Variants in PHKB observed in about 807,000 individuals in gnomAD.
PHKB encodes the protein phosphorylase kinase regulatory subunit beta.
A neutral mutation model predicts 152.1 loss-of-function variants in PHKB; 122 were observed. That is an observed-to-expected ratio of 0.80 (90% CI 0.69 to 0.93). The LOEUF is 0.93. PHKB is among the 40% of genes least tolerant of loss of function. The pLI is 0.00. For synonymous variants in PHKB, 436 were observed against 464.9 expected (o/e 0.94, Z 0.80); for missense variants, 1,304 against 1,328.4 (o/e 0.98, Z 0.29).
At chr16:47,554,224 G>A (rs1971325456) in intron 7 of PHKB, among the ~76,000 whole-genome samples, 1 of 152,170 alleles carries the variant, frequency 6.6e-6, no homozygotes, top group Non-Finnish European at 1.5e-5. Flanking sequence ...CCAGAGAGGA[G>A]GAATCTAGAG....
intron 4 of PHKB, 88 bp downstream of exon 4, chr16:47,503,178 ATGT>A: frequency 1.0e-6 from 1 of 961,228 alleles, no homozygotes; most frequent in Non-Finnish European, 1.6e-6. Context: ...CTGAAGAAGA[ATGT>A]ACTTTTCAAA....
chr16:47,604,665 T>G (rs946996586), intron 13 of PHKB, among the ~76,000 whole-genome samples: 6 of 152,230 alleles, frequency 3.9e-5, no homozygotes, highest in Non-Finnish European at 7.3e-5. Context: ...CTCTGTTAAG[T>G]TTTCTTTAAA....
At chr16:47,539,642 A>T (rs761398966) in intron 6 of PHKB, among the ~76,000 whole-genome samples, 2 of 152,192 alleles carry the variant, frequency 1.3e-5, no homozygotes, top group African/African-American at 2.4e-5. Context: ...AATAGTATTC[A>T]TAGCAATATA....
chr16:47,648,129 C>T (rs1206164981), intron 16 of PHKB, among the ~76,000 whole-genome samples: 2 of 151,916 alleles, frequency 1.3e-5, no homozygotes, highest in African/African-American at 4.8e-5. Flanking sequence ...AAGCCATTTT[C>T]ATTTTGGTGG....
intron 5 of PHKB, among the ~76,000 whole-genome samples, chr16:47,514,466 T>C (rs1203093440): frequency 6.6e-6 from 1 of 152,216 alleles, no homozygotes; most frequent in Non-Finnish European, 1.5e-5. Context: ...CCTGGAGTTC[T>C]GATGTCCAAA....
chr16:47,547,437 C>G lies in PHKB; in HGVS notation c.599C>G (p.Ser200Cys), dbSNP rs767949904. 2.5e-6 allele frequency: 4 copies of G among 1,594,722 alleles called. No homozygotes were observed. Among genetic ancestry groups the G allele is most frequent in the South Asian group, 1.1e-5 (1 of 90,674 alleles). The change falls in exon 7 of 31, where the codon TCT (serine) becomes TGT (cysteine). Residue 200 changes from serine to cysteine, a missense_variant. Coordinates refer to ENST00000323584, the MANE Select transcript of PHKB (RefSeq NM_000293.3). ...LQIIYNTDEV[S>C]FIQNLVFCVE... ...TTTCATTTCTTTTTCTTTTAGGTCT[C>G]TTTTATTCAAAACCTTGTATTTTGT...
chr16:47,602,018 C>T (rs1018867641), intron 13 of PHKB, among the ~76,000 whole-genome samples: 2 of 152,112 alleles, frequency 1.3e-5, no homozygotes, highest in African/African-American at 4.8e-5. Flanking sequence ...TACACAAACT[C>T]CCAGAATACT....
chr16:47,598,962 C>A, intron 13 of PHKB: 1 of 1,367,122 alleles, frequency 7.3e-7, no homozygotes, highest in Non-Finnish European at 1.0e-6. Flanking sequence ...TGCACACAGC[C>A]AATCCCACAA....
chr16:47,687,673 A>T (rs2142100640), intron 26 of PHKB, among the ~76,000 whole-genome samples: 1 of 152,334 alleles, frequency 6.6e-6, no homozygotes, highest in South Asian at 2.1e-4. Context: ...AGTATGTTTC[A>T]TCCTTGTGTA....
chr16:47,554,328 T>C (rs992167844), intron 7 of PHKB, among the ~76,000 whole-genome samples: 1 of 152,162 alleles, frequency 6.6e-6, no homozygotes, highest in African/African-American at 2.4e-5. Context: ...AGGGGAAAAC[T>C]ACCTACTCAA....
At chr16:47,488,607 G>A (rs1970090767) in intron 1 of PHKB, among the ~76,000 whole-genome samples, 1 of 152,118 alleles carries the variant, frequency 6.6e-6, no homozygotes, top group Non-Finnish European at 1.5e-5. Flanking sequence ...AATCCACTAT[G>A]AGCTGATTTT....
intron 7 of PHKB, chr16:47,561,924 G>C (rs1971482437): frequency 6.6e-6 from 1 of 152,162 alleles, no homozygotes; most frequent in Non-Finnish European, 1.5e-5. Flanking sequence ...ACCTTCTGTT[G>C]AGTGGCCCTT....
intron 26 of PHKB, among the ~76,000 whole-genome samples, chr16:47,670,280 A>G (rs1052093951): frequency 1.3e-5 from 2 of 152,224 alleles, no homozygotes; most frequent in African/African-American, 4.8e-5. Context: ...GTGTTTGAAA[A>G]GAATATACAT....
intron 14 of PHKB, among the ~76,000 whole-genome samples, chr16:47,629,414 C>T (rs1014181390): frequency 1.3e-5 from 2 of 151,920 alleles, no homozygotes; most frequent in Non-Finnish European, 2.9e-5. Context: ...CCAAAAAACA[C>T]ATGAAAAAAT....
rs761650842 is a variant in PHKB at position 47,650,890 on chromosome 16, G to A, written c.1940G>A (p.Gly647Glu). 4 of 1,613,696 alleles carry A rather than the reference G, an allele frequency of 2.5e-6. No homozygotes were observed. The highest frequency in any genetic ancestry group is 3.4e-6 in the Non-Finnish European group (4 of 1,179,658). Residue 647 changes from glycine to glutamate, a missense_variant, in exon 20 of 31, where the codon GGA (glycine) becomes GAA (glutamate). By Grantham distance (98) the Gly-to-Glu change is moderately conservative (BLOSUM62 -2). Transcript: ENST00000323584. ...MLAALKKGIIGGVKVHVDRLQ... is the reference protein window; with the variant it reads ...MLAALKKGIIEGVKVHVDRLQ... ...GCAGCCCTTAAAAAAGGAATAATTG[G>A]AGGAGTCAAAGTTCATGTGGATCGT...
intron 4 of PHKB, among the ~76,000 whole-genome samples, chr16:47,508,945 G>C (rs900496187): frequency 2.0e-5 from 3 of 151,948 alleles, no homozygotes; most frequent in African/African-American, 4.8e-5. Flanking sequence ...TCCCCCATTT[G>C]AGCAACTTTA....
At chr16:47,694,150 G>A (rs919112002) in intron 28 of PHKB, among the ~76,000 whole-genome samples, 1 of 152,208 alleles carries the variant, frequency 6.6e-6, no homozygotes, top group Non-Finnish European at 1.5e-5. Context: ...TTCACTCCAG[G>A]TGTACCTTAC....
chr16:47,490,803 C>T (rs1198683901), intron 1 of PHKB, among the ~76,000 whole-genome samples: 1 of 152,192 alleles, frequency 6.6e-6, no homozygotes, highest in Non-Finnish European at 1.5e-5. Flanking sequence ...CCCTGTTGTG[C>T]TTTCATTCCA....
intron 7 of PHKB, among the ~76,000 whole-genome samples, chr16:47,556,905 C>G (rs1186332965): frequency 6.6e-6 from 1 of 152,096 alleles, no homozygotes; most frequent in Non-Finnish European, 1.5e-5. Flanking sequence ...GTCCTGGACT[C>G]TTTTTGGTTG....
Sources: allele counts gnomAD v4.1 joint callset (sites outside exome capture counted in the v4.1 genomes callset), GRCh38; gene constraint gnomAD v4.1.1; transcripts MANE v1.5; gene names NCBI Gene and HGNC (gene_info 2026-07-23, HGNC 2026-07-21).